Variants in FBXL7 observed in about 807,000 individuals in gnomAD.
The protein encoded by FBXL7 is F-box and leucine rich repeat protein 7, also known as F-box/LRR-repeat protein 7.
In FBXL7, 12 loss-of-function variants were observed where a neutral mutation model predicts 38.3. That is an observed-to-expected ratio of 0.31 (90% CI 0.20 to 0.51). The LOEUF (loss-of-function observed/expected upper bound fraction) is 0.51. Ranked by LOEUF, FBXL7 falls within the 20% of genes least tolerant of loss-of-function variation. The pLI is 0.98. For synonymous variants in FBXL7, 297 were observed against 300.9 expected (o/e 0.99, Z 0.13); for missense variants, 567 against 676.4 (o/e 0.84, Z 1.79).
intron 1 of FBXL7, among the ~76,000 whole-genome samples, chr5:15,569,484 T>C (rs1738695358): frequency 6.6e-6 from 1 of 151,614 alleles, no homozygotes; most frequent in Admixed American, 6.6e-5. Flanking sequence ...CTTAAGGAGA[T>C]TTTGGGCTGA....
In FBXL7 at chr5:15,919,963, A is replaced by G. The variant is rs138707327; in HGVS notation, c.128-7927A>G. Among the ~76,000 whole-genome samples the G allele has an allele frequency of 1.6e-3, 238 of 152,298 alleles. 2 individuals are homozygous for G. The highest frequency in any genetic ancestry group is 2.5e-3 in the Non-Finnish European group (171 of 68,022). On this transcript the variant is annotated intron_variant, in intron 2 of 3. Coordinates refer to ENST00000504595, the MANE Select transcript of FBXL7 (RefSeq NM_012304.5). Reference sequence around the variant, plus strand: ...ATGGTGCAGAAAGGAGGTGGGGTAAAAATATTTGCTTTAGGCCAACCATGG... The same window carrying G: ...ATGGTGCAGAAAGGAGGTGGGGTAAGAATATTTGCTTTAGGCCAACCATGG...
At chr5:15,820,124 TCA>T (rs1475944525) in intron 2 of FBXL7, among the ~76,000 whole-genome samples, 1 of 152,156 alleles carries the variant, frequency 6.6e-6, no homozygotes, top group Non-Finnish European at 1.5e-5. Context: ...CTCCAGCCCC[TCA>T]CACTTAGCAT....
intron 2 of FBXL7, among the ~76,000 whole-genome samples, chr5:15,711,727 G>A (rs1354973741): frequency 1.3e-5 from 2 of 152,146 alleles, no homozygotes; most frequent in Non-Finnish European, 2.9e-5. Flanking sequence ...CTATTGTGAA[G>A]ATCCTGAAAG....
chr5:15,868,112 A>C (rs1454149107), intron 2 of FBXL7, among the ~76,000 whole-genome samples: 1 of 151,656 alleles, frequency 6.6e-6, no homozygotes, highest in Non-Finnish European at 1.5e-5. Flanking sequence ...CAAAAAAAAA[A>C]AAAAAAAAAA....
At chr5:15,927,010 T>C (rs1741892250) in intron 2 of FBXL7, among the ~76,000 whole-genome samples, 1 of 151,400 alleles carries the variant, frequency 6.6e-6, no homozygotes, top group Non-Finnish European at 1.5e-5. Flanking sequence ...TTTGTGTATC[T>C]AGTATATGAG....
At chr5:15,648,785 A>G (rs1317883152) in intron 2 of FBXL7, among the ~76,000 whole-genome samples, 1 of 152,208 alleles carries the variant, frequency 6.6e-6, no homozygotes, top group Non-Finnish European at 1.5e-5. Flanking sequence ...ACTCCAGCTG[A>G]AATGATCTTC....
chr5:15,781,505 A>G (rs1736993000), intron 2 of FBXL7, among the ~76,000 whole-genome samples: 1 of 151,908 alleles, frequency 6.6e-6, no homozygotes, highest in Admixed American at 6.6e-5. Context: ...TAGTATATTC[A>G]GTAGTAAGAA....
intron 2 of FBXL7, among the ~76,000 whole-genome samples, chr5:15,756,133 ATG>A (rs1736290833): frequency 6.6e-6 from 1 of 152,186 alleles, no homozygotes; most frequent in Non-Finnish European, 1.5e-5. Flanking sequence ...TTACTGATTT[ATG>A]TGTTTCTGAA....
chr5:15,626,538 C>T (rs1001720940), intron 2 of FBXL7, among the ~76,000 whole-genome samples: 9 of 106,780 alleles, frequency 8.4e-5, no homozygotes, highest in Non-Finnish European at 1.2e-4. Context: ...GAAGAAAATT[C>T]GTTTCCTGTG....
intron 2 of FBXL7, among the ~76,000 whole-genome samples, chr5:15,633,298 C>G (rs1741060350): frequency 6.6e-6 from 1 of 152,010 alleles, no homozygotes; most frequent in African/African-American, 2.4e-5. Context: ...GCCATTTGTT[C>G]TTAGAATTTT....
intron 1 of FBXL7, chr5:15,606,960 G>C (rs1195514680): frequency 6.6e-6 from 1 of 152,006 alleles, no homozygotes; most frequent in Non-Finnish European, 1.5e-5. Context: ...TATGCACCTG[G>C]GCCAGGAACT....
chr5:15,676,972 C>A (rs1742677086), intron 2 of FBXL7, among the ~76,000 whole-genome samples: 1 of 152,160 alleles, frequency 6.6e-6, no homozygotes, highest in African/African-American at 2.4e-5. Context: ...AAATATGGTT[C>A]TCAACTTTAA....
chr5:15,642,405 C>G (rs1741396830), intron 2 of FBXL7, among the ~76,000 whole-genome samples: 1 of 152,212 alleles, frequency 6.6e-6, no homozygotes, highest in Non-Finnish European at 1.5e-5. Flanking sequence ...AGAGCTAATG[C>G]ACCTGTTCAA....
intron 1 of FBXL7, among the ~76,000 whole-genome samples, chr5:15,589,263 C>T (rs1232166820): frequency 6.6e-6 from 1 of 151,968 alleles, no homozygotes; most frequent in African/African-American, 2.4e-5. Context: ...GCCCAAATCT[C>T]ATGTTGATTT....
At chr5:15,797,166 T>C (rs1272691588) in intron 2 of FBXL7, among the ~76,000 whole-genome samples, 2 of 151,720 alleles carry the variant, frequency 1.3e-5, no homozygotes, top group Non-Finnish European at 2.9e-5. Flanking sequence ...TTTTGCCTTG[T>C]TGGTTAATCT....
chr5:15,546,275 C>G (rs1481846787), intron 1 of FBXL7, among the ~76,000 whole-genome samples: 2 of 151,574 alleles, frequency 1.3e-5, no homozygotes, highest in Non-Finnish European at 2.9e-5. Flanking sequence ...GCTGGAAATA[C>G]AGAAGTTATG....
At chr5:15,934,451 T>C (rs966062738) in intron 3 of FBXL7, among the ~76,000 whole-genome samples, 4 of 151,952 alleles carry the variant, frequency 2.6e-5, no homozygotes, top group Admixed American at 6.6e-5. Context: ...AAATATACCA[T>C]GAAATAAGTG....
At chr5:15,802,375 C>A (rs536798899) in intron 2 of FBXL7, among the ~76,000 whole-genome samples, 2 of 152,130 alleles carry the variant, frequency 1.3e-5, no homozygotes, top group African/African-American at 4.8e-5. Flanking sequence ...GTATGACCAC[C>A]CCCACCCCGC....
intron 2 of FBXL7, among the ~76,000 whole-genome samples, chr5:15,667,326 G>T (rs912316659): frequency 1.3e-5 from 2 of 152,158 alleles, no homozygotes; most frequent in Non-Finnish European, 2.9e-5. Context: ...ACTGTCTGAA[G>T]TAGGCAGACA....
Sources: allele counts gnomAD v4.1 joint callset (sites outside exome capture counted in the v4.1 genomes callset), GRCh38; gene constraint gnomAD v4.1.1; transcripts MANE v1.5; gene names NCBI Gene and HGNC (gene_info 2026-07-23, HGNC 2026-07-21).